Variants in ZNF710 observed in about 807,000 individuals in gnomAD.
ZNF710 encodes zinc finger protein 710.
A neutral mutation model predicts 50.6 loss-of-function variants in ZNF710; 13 were observed. The ratio of observed to expected loss-of-function variants is 0.26; its 90% CI spans 0.17 to 0.41. ZNF710 has a LOEUF of 0.41. Among genes scored for constraint, ZNF710 ranks in the 10% least tolerant of loss-of-function variants. ZNF710 has a pLI of 1.00. For missense variants in ZNF710, 721 were observed against 936.6 expected (o/e 0.77, Z 3.01); for synonymous variants, 383 against 397.0 (o/e 0.96, Z 0.42).
chr15:90,036,548 C>T (rs79382916), intron 1 of ZNF710, among the ~76,000 whole-genome samples: 2,749 of 152,282 alleles, frequency 0.018, 84 homozygotes, highest in African/African-American at 0.061. Context: ...ACCACCTCCT[C>T]CCCACATTCA....
intron 1 of ZNF710, among the ~76,000 whole-genome samples, chr15:90,005,769 G>A (rs773872222): frequency 6.6e-6 from 1 of 152,268 alleles, no homozygotes; most frequent in Middle Eastern, 3.4e-3. Context: ...GTTTTGAATT[G>A]GACTCAGAAT....
intron 1 of ZNF710, among the ~76,000 whole-genome samples, chr15:90,032,283 C>G (rs752378788): frequency 5.8e-4 from 89 of 152,170 alleles, no homozygotes; most frequent in Non-Finnish European, 1.1e-3. Flanking sequence ...TAGGCGTGAG[C>G]CACTGTGTCC....
upstream of ZNF710, among the ~76,000 whole-genome samples, chr15:90,000,881 C>T (rs1470707621): frequency 1.3e-5 from 2 of 152,100 alleles, no homozygotes; most frequent in Non-Finnish European, 2.9e-5. Flanking sequence ...GCGCAGGGCC[C>T]CCGGGCCCCC....
intron 1 of ZNF710, among the ~76,000 whole-genome samples, chr15:90,009,565 A>G (rs915333659): frequency 2.0e-5 from 3 of 151,552 alleles, no homozygotes; most frequent in Non-Finnish European, 4.4e-5. Flanking sequence ...TCCCTGGTCC[A>G]TTCCCCATGT....
intron 1 of ZNF710, among the ~76,000 whole-genome samples, chr15:90,055,158 A>G (rs1899772092): frequency 6.6e-6 from 1 of 152,210 alleles, no homozygotes; most frequent in African/African-American, 2.4e-5. Context: ...TTAACAAATC[A>G]TTTAAAGTTA....
chr15:90,030,506 G>A (rs1024334557), intron 1 of ZNF710, among the ~76,000 whole-genome samples: 7 of 151,980 alleles, frequency 4.6e-5, no homozygotes, highest in African/African-American at 1.7e-4. Context: ...GTCTCTGAAC[G>A]AAACAGCTGG....
intron 1 of ZNF710, chr15:90,025,898 AG>A (rs1434664137): frequency 7.2e-5 from 11 of 152,246 alleles, no homozygotes; most frequent in Admixed American, 2.6e-4. Context: ...ACAAATATTT[AG>A]AAAGCATTGA....
chr15:90,021,933 T>G (rs751443049), intron 1 of ZNF710, among the ~76,000 whole-genome samples: 3 of 151,890 alleles, frequency 2.0e-5, no homozygotes, highest in African/African-American at 7.3e-5. Flanking sequence ...ATACAAAAAT[T>G]AGCCGGGCAT....
chr15:90,060,052 G>A (rs967198454), intron 1 of ZNF710, among the ~76,000 whole-genome samples: 1 of 151,942 alleles, frequency 6.6e-6, no homozygotes, highest in Non-Finnish European at 1.5e-5. Flanking sequence ...GCTCTGTTGG[G>A]TCCTGAACTG....
At chr15:90,022,657 C>T (rs573596853) in intron 1 of ZNF710, among the ~76,000 whole-genome samples, 5 of 152,296 alleles carry the variant, frequency 3.3e-5, no homozygotes, top group African/African-American at 1.2e-4. Flanking sequence ...ATGGGGAAAT[C>T]CCTTTGGAAA....
intron 1 of ZNF710, among the ~76,000 whole-genome samples, chr15:90,048,799 G>A (rs772077990): frequency 1.2e-4 from 19 of 152,138 alleles, no homozygotes; most frequent in Non-Finnish European, 2.1e-4. Flanking sequence ...ATGCCTTCCC[G>A]CCTCTCCAGG....
chr15:90,054,203 A>G (rs1899736464), intron 1 of ZNF710, among the ~76,000 whole-genome samples: 1 of 152,100 alleles, frequency 6.6e-6, no homozygotes, highest in Non-Finnish European at 1.5e-5. Flanking sequence ...GAAAGAGGGA[A>G]GAAAGAGATG....
rs553489286 is a variant in ZNF710, at chr15:90,063,398, A to G, written c.-28-3712A>G. On this transcript the variant is annotated intron_variant, in intron 1 of 4. Transcript: ENST00000268154. The stretch of plus-strand genomic sequence containing the variant: ...GCCCCCCGGGTTGTTCCTAGTATTA[A>G]ATGGCTGACTGGGGACCTCGTGAGT... 9.4e-4 allele frequency among the ~76,000 whole-genome samples: 143 copies of G among 152,098 alleles called. 1 individual carries two copies. In the Middle Eastern group the frequency reaches 0.02, roughly 22 times the overall value.
At chr15:90,066,660 A>G (rs1448289128) in intron 1 of ZNF710, among the ~76,000 whole-genome samples, 2 of 151,926 alleles carry the variant, frequency 1.3e-5, no homozygotes, top group Non-Finnish European at 2.9e-5. Context: ...TTTTTAGTAG[A>G]GACAGGATTT....
chr15:90,063,495 C>A lies in ZNF710; in HGVS notation c.-28-3615C>A, dbSNP rs545442589. ...TGTTGGCAGCTCTCTGTGCCCCTGC[C>A]CTGCCCCCACTTAGGCACAAACCCT... On this transcript the variant is annotated intron_variant, in intron 1 of 4. Transcript: ENST00000268154. 2.6e-5 allele frequency among the ~76,000 whole-genome samples: 4 copies of A among 152,222 alleles called. No homozygotes were observed. In the South Asian group the frequency reaches 8.3e-4, roughly 32 times the overall value.
rs1004088372 is a variant in ZNF710, at chr15:90,034,747, G to A, written c.-28-32363G>A. 1.4e-4 allele frequency among the ~76,000 whole-genome samples: 21 copies of A among 152,128 alleles called. No individual in the cohort carries two copies. The highest frequency in any genetic ancestry group is 2.4e-4 in the African/African-American group (10 of 41,418). ...CCTTCTTTGTTCTGGCCGTGGGTGG[G>A]GCACCCGGCTCCACCTGCCTCAGGT... On this transcript the variant is annotated intron_variant, in intron 1 of 4. Transcript: ENST00000268154. The surrounding 1 kb of genome is among the most constrained non-coding windows in gnomAD (Gnocchi z 4.0).
At chr15:90,032,070 C>T (rs923531310) in intron 1 of ZNF710, among the ~76,000 whole-genome samples, 1 of 152,222 alleles carries the variant, frequency 6.6e-6, no homozygotes, top group Non-Finnish European at 1.5e-5. Context: ...GATCTCAGCT[C>T]ACTGCAACCT....
intron 1 of ZNF710, among the ~76,000 whole-genome samples, chr15:90,064,342 A>G (rs541282128): frequency 6.6e-6 from 1 of 152,352 alleles, no homozygotes; most frequent in East Asian, 1.9e-4. Flanking sequence ...TATTTATTGT[A>G]CAAATGAATG....
intron 1 of ZNF710, among the ~76,000 whole-genome samples, chr15:90,053,728 G>A (rs1228853509): frequency 6.6e-6 from 1 of 152,164 alleles, no homozygotes; most frequent in Non-Finnish European, 1.5e-5. Context: ...TCATCCTGAT[G>A]TGGGTGCCGG....
Sources: allele counts gnomAD v4.1 joint callset (sites outside exome capture counted in the v4.1 genomes callset), GRCh38; gene constraint gnomAD v4.1.1; non-coding constraint Gnocchi (gnomAD v3.1); transcripts MANE v1.5; gene names NCBI Gene and HGNC (gene_info 2026-07-23, HGNC 2026-07-21).